The following KALRN variants were observed in gnomAD, a reference collection of about 807,000 sequenced individuals.
KALRN encodes the protein kalirin RhoGEF kinase.
In KALRN, 70 loss-of-function variants were observed where a neutral mutation model predicts 353.7. The ratio of observed to expected loss-of-function variants is 0.20; its 90% CI spans 0.16 to 0.24. The LOEUF is 0.24. KALRN is among the 10% of genes least tolerant of loss of function. The probability of loss-of-function intolerance (pLI) is 1.00; values close to 1 mark genes in which losing one functional copy is unlikely to be tolerated. For missense variants in KALRN, 2,791 were observed against 3,756.7 expected, an observed-to-expected ratio of 0.74 and a Z score of 6.72; for synonymous variants, 1,391 against 1,434.8, an observed-to-expected ratio of 0.97 and a Z score of 0.69.
At chr3:124,231,323 C>T (rs1413653027) in intron 2 of KALRN, among the ~76,000 whole-genome samples, 2 of 152,246 alleles carry the variant, frequency 1.3e-5, no homozygotes, top group African/African-American at 4.8e-5. Context: ...TCACAGCACC[C>T]ATTGTCCCTT....
At chr3:124,446,410 GGTTGTCACCT>G (rs1277945243) in intron 20 of KALRN, 134 bp downstream of exon 20, 4 of 658,806 alleles carry the variant, frequency 6.1e-6, no homozygotes, top group Non-Finnish European at 1.0e-5. Flanking sequence ...AAAGAAAGCA[GGTTGTCACCT>G]GTCAGCAGTT....
At chr3:124,432,992 C>T (rs2093337156) in intron 16 of KALRN, among the ~76,000 whole-genome samples, 1 of 152,170 alleles carries the variant, frequency 6.6e-6, no homozygotes, top group Non-Finnish European at 1.5e-5. Context: ...ACATATGCTC[C>T]TTCTCCAGGT....
Position 124,269,335 on chromosome 3 carries a change from A to G in KALRN, c.969+80A>G. ...TGCTCATCCAACTTTCTGATTAATGATAGTACTTTCCTGGAAAGCTTTAAA... is the reference window on the plus strand; with the variant it reads ...TGCTCATCCAACTTTCTGATTAATGGTAGTACTTTCCTGGAAAGCTTTAAA... On this transcript the variant is annotated intron_variant, in intron 5 of 59. Transcript: ENST00000682506. The G allele has an allele frequency of 2.8e-6, 4 of 1,427,968 alleles. No homozygotes were observed. The South Asian group carries it at 4.2e-5, about 15-fold the overall frequency. The allele number at this position is 1,427,968 out of a possible 1,614,324, so 88.5% of individuals were successfully genotyped here.
chr3:124,667,827 T>C (rs1273086017), intron 47 of KALRN, among the ~76,000 whole-genome samples: 2 of 152,126 alleles, frequency 1.3e-5, no homozygotes, highest in African/African-American at 4.8e-5. Flanking sequence ...TGCCACTTTG[T>C]ATATATTTCT....
chr3:124,231,468 C>T (rs1282249611), intron 2 of KALRN, among the ~76,000 whole-genome samples: 2 of 152,176 alleles, frequency 1.3e-5, no homozygotes, highest in Non-Finnish European at 2.9e-5. Context: ...TTATTGGTTT[C>T]CACCGTTCCC....
At chr3:124,423,726 C>G (rs1293482116) in intron 15 of KALRN, among the ~76,000 whole-genome samples, 2 of 152,112 alleles carry the variant, frequency 1.3e-5, no homozygotes, top group Non-Finnish European at 2.9e-5. Context: ...TCAATATTAG[C>G]TGAATGTGGT....
intron 10 of KALRN, among the ~76,000 whole-genome samples, chr3:124,354,281 CA>C (rs2083147925): frequency 1.3e-5 from 2 of 152,154 alleles, no homozygotes; most frequent in South Asian, 4.1e-4. Flanking sequence ...TCTCTCGTTC[CA>C]TGTGATGGCA....
chr3:124,174,782 C>T (rs1457841497), intron 1 of KALRN, among the ~76,000 whole-genome samples: 2 of 152,210 alleles, frequency 1.3e-5, no homozygotes, highest in East Asian at 3.9e-4. Context: ...GAGAGCTTTC[C>T]CAGAGGAAGG....
intron 34 of KALRN, among the ~76,000 whole-genome samples, chr3:124,591,444 C>G (rs1299407605): frequency 6.6e-6 from 1 of 152,100 alleles, no homozygotes; most frequent in East Asian, 1.9e-4. Flanking sequence ...AGCCATTGTC[C>G]CTGTTCTTGA....
Position 124,413,655 on chromosome 3 carries a change from C to G in KALRN, c.2532C>G (p.Val844=). ...ATCTGCACCAGTACATCACGGAGGT[C>G]CAGGCATCAGGTGGGTGACCTCGCT... is the stretch of plus-strand genomic sequence containing the variant. ...GQDLHQYITE[V]QASGIELICE... is the part of the protein sequence containing the mutation. The change falls in exon 14 of 60, where the codon GTC becomes GTG. Residue 844 remains valine (V), a synonymous_variant. Coordinates refer to ENST00000682506, the MANE Select transcript of KALRN (RefSeq NM_001388419.1). 1 of 1,613,458 alleles carries G rather than the reference C, an allele frequency of 6.2e-7. No individual in the cohort carries two copies. The highest frequency in any genetic ancestry group is 1.1e-5 in the South Asian group (1 of 90,912).
chr3:124,289,000 T>C (rs2076192515), intron 5 of KALRN, among the ~76,000 whole-genome samples: 1 of 152,224 alleles, frequency 6.6e-6, no homozygotes, highest in African/African-American at 2.4e-5. Flanking sequence ...AGGTAATTTA[T>C]AGAGAAAGAT....
chr3:124,681,455 AT>A (rs2087761585), intron 51 of KALRN, among the ~76,000 whole-genome samples: 1 of 152,168 alleles, frequency 6.6e-6, no homozygotes, highest in Non-Finnish European at 1.5e-5. Flanking sequence ...GTGTTGATGC[AT>A]GTCCGAAAAG....
At chr3:124,473,152 C>T (rs1223611393) in intron 25 of KALRN, among the ~76,000 whole-genome samples, 3 of 152,128 alleles carry the variant, frequency 2.0e-5, no homozygotes, top group East Asian at 3.8e-4. Context: ...TTCTATGTCA[C>T]GGAAGGAGGA....
chr3:124,409,983 C>T (rs1219609561), intron 13 of KALRN, among the ~76,000 whole-genome samples: 1 of 152,090 alleles, frequency 6.6e-6, no homozygotes, highest in Admixed American at 6.6e-5. Context: ...CCTGGAAATT[C>T]CCATTCTCCA....
intron 8 of KALRN, among the ~76,000 whole-genome samples, chr3:124,332,413 C>T (rs1270660385): frequency 2.0e-5 from 3 of 152,096 alleles, no homozygotes; most frequent in Admixed American, 2.0e-4. Context: ...GATAAAAGAC[C>T]ATTTTCATCT....
intron 34 of KALRN, among the ~76,000 whole-genome samples, chr3:124,612,927 A>G (rs2078170186): frequency 6.6e-6 from 1 of 152,278 alleles, no homozygotes; most frequent in East Asian, 1.9e-4. Context: ...TACAAGAGAC[A>G]TTATAATGAT....
At chr3:124,570,328 T>C (rs894116889) in intron 34 of KALRN, among the ~76,000 whole-genome samples, 2 of 152,238 alleles carry the variant, frequency 1.3e-5, no homozygotes, top group African/African-American at 2.4e-5. Context: ...AATTGCAGGA[T>C]TGAAGTACGA....
intron 48 of KALRN, among the ~76,000 whole-genome samples, chr3:124,672,879 A>AT (rs1559823276): frequency 1.3e-5 from 2 of 152,178 alleles, no homozygotes; most frequent in African/African-American, 4.8e-5. Flanking sequence ...GAACACTTAC[A>AT]TTTTTTATCT....
intron 10 of KALRN, among the ~76,000 whole-genome samples, chr3:124,362,009 C>T (rs1365754617): frequency 1.3e-5 from 2 of 152,132 alleles, no homozygotes; most frequent in African/African-American, 4.8e-5. Flanking sequence ...CCCCTGAGAC[C>T]TCCATGAGGC....
Sources: allele counts gnomAD v4.1 joint callset (sites outside exome capture counted in the v4.1 genomes callset), GRCh38; gene constraint gnomAD v4.1.1; transcripts MANE v1.5; gene names NCBI Gene and HGNC (gene_info 2026-07-23, HGNC 2026-07-21).